Variants in ABRA observed in about 807,000 individuals in gnomAD.
ABRA encodes the protein actin-binding Rho-activating protein.
Under a neutral mutation model 33.4 loss-of-function variants are expected in ABRA, and 25 were observed. The observed-to-expected ratio is 0.75, with a 90% confidence interval of 0.55 to 1.04. The LOEUF is 1.04. Ranked by LOEUF, ABRA falls within the 50% of genes least tolerant of loss-of-function variation. ABRA has a pLI of 0.00. For missense variants in ABRA, 501 were observed against 491.7 expected (o/e 1.02, Z -0.18); for synonymous variants, 193 against 176.8 (o/e 1.09, Z -0.73).
intron 1 of ABRA, among the ~76,000 whole-genome samples, chr8:106,767,876 C>T (rs1384575981): frequency 6.6e-6 from 1 of 152,116 alleles, no homozygotes; most frequent in Non-Finnish European, 1.5e-5. Context: ...GGGTGGATCA[C>T]CTGAGGTCAG....
chr8:106,763,954 C>T (rs539361583), intron 1 of ABRA, among the ~76,000 whole-genome samples: 1 of 152,168 alleles, frequency 6.6e-6, no homozygotes, highest in South Asian at 2.1e-4. Context: ...TTTTAAGGTA[C>T]TTATTGGATA....
At position 106,769,636 on chromosome 8, in the gene ABRA, C is replaced by G. The variant is rs1471271962; in HGVS notation, c.555G>C (p.Arg185Ser). The G allele has an allele frequency of 6.2e-7, 1 of 1,614,214 alleles. No homozygotes were observed. The highest frequency in any genetic ancestry group is 1.6e-4 in the Middle Eastern group (1 of 6,062). Residue 185 changes from arginine (R) to serine (S), a missense_variant, in exon 1 of 2, where the codon AGG becomes AGC. Physicochemically the swap from Arg to Ser is moderately radical, Grantham distance 110. Coordinates refer to ENST00000311955, the MANE Select transcript of ABRA (RefSeq NM_139166.5). ...TGTCCTCTGTGTCTACGCTGTCACT[C>G]CTCCATGTGGGCTCCTCCTGCTCCA... is the stretch of plus-strand genomic sequence containing the variant. ...RVMEQEEPTW[R>S]SDSVDTEDSG...
rs748977290 is a variant in ABRA at position 106,761,505 on chromosome 8, T to A, written c.678A>T (p.Arg226Ser). The A allele has an allele frequency of 1.2e-6, 2 of 1,612,992 alleles. No individual in the cohort carries two copies. The highest frequency in any genetic ancestry group is 3.3e-5 in the Admixed American group (2 of 59,950). The change falls in exon 2 of 2, where the codon AGA becomes AGT. Residue 226 changes from arginine (R) to serine (S), a missense_variant. Transcript: ENST00000311955. ...IKRPLPSQVN[R>S]FTEKLNCKAQ... ...CTTTGCAGTTGAGTTTCTCTGTAAA[T>A]CTGTTTACCCTAAAGTAGAGAGAGG... is the stretch of plus-strand genomic sequence containing the variant.
chr8:106,761,132 G>A lies in ABRA; in HGVS notation c.1051C>T (p.Leu351Phe). Residue 351 changes from leucine (L) to phenylalanine (F), a missense_variant, in exon 2 of 2, where the codon CTC becomes TTC. Leu to Phe is a conservative substitution (Grantham distance 22, BLOSUM62 0). Coordinates refer to ENST00000311955, the MANE Select transcript of ABRA (RefSeq NM_139166.5). Reference sequence around the variant, plus strand: ...AGTCCATGTTTCCTGGCACGCATGAGAATGCCCACTACTTTATCTGAAATA... The same window carrying A: ...AGTCCATGTTTCCTGGCACGCATGAAAATGCCCACTACTTTATCTGAAATA... ...VRISDKVVGI[L>F]MRARKHGLVD... The A allele has an allele frequency of 6.2e-7, 1 of 1,614,196 alleles. No homozygotes were observed. Among genetic ancestry groups the A allele is most frequent in the Non-Finnish European group, 8.5e-7 (1 of 1,180,028 alleles).
chr8:106,763,501 C>A (rs1374561673), intron 1 of ABRA, among the ~76,000 whole-genome samples: 1 of 152,188 alleles, frequency 6.6e-6, no homozygotes, highest in African/African-American at 2.4e-5. Context: ...TAATGGATTT[C>A]CCTCAGCCCT....
At position 106,761,218 on chromosome 8, in the gene ABRA, C is replaced by A. The variant is rs759366681; in HGVS notation, c.965G>T (p.Arg322Leu). Reference sequence around the variant, plus strand: ...CTGGATCTTGCCATCTCGTCTGTGGCGAGCCATTGTGCAGATAATGAAGCA... The same window carrying A: ...CTGGATCTTGCCATCTCGTCTGTGGAGAGCCATTGTGCAGATAATGAAGCA... Reference protein sequence around the residue: ...DMCFIICTMARHRRDGKIQVT... With the variant: ...DMCFIICTMALHRRDGKIQVT... The change falls in exon 2 of 2, where the codon CGC becomes CTC. Residue 322 changes from arginine (R) to leucine (L), a missense_variant. Physicochemically the swap from Arg to Leu is moderately radical, Grantham distance 102. Coordinates refer to ENST00000311955, the MANE Select transcript of ABRA (RefSeq NM_139166.5). 2.5e-6 allele frequency: 4 copies of A among 1,614,196 alleles called. No homozygotes were observed. The Admixed American group carries it at 5.0e-5, about 20-fold the overall frequency.
In ABRA at chr8:106,769,604, T is replaced by C. The variant is rs1002738990; in HGVS notation, c.587A>G (p.Tyr196Cys). 5.0e-6 allele frequency: 8 copies of C among 1,614,044 alleles called. No homozygotes were observed. The highest frequency in any genetic ancestry group is 4.0e-5 in the African/African-American group (3 of 74,930). Residue 196 changes from tyrosine (Y) to cysteine (C), a missense_variant, in exon 1 of 2, where the codon TAT becomes TGT. Physicochemically the swap from Tyr to Cys is radical, Grantham distance 194 (BLOSUM62 -2). Transcript: ENST00000311955. ...GGGCCTCTCCTCAGCCTCTCCTCCA[T>C]AGCCGCTGTCCTCTGTGTCTACGCT... ...SDSVDTEDSG[Y>C]GGEAEERPEQ...
chr8:106,762,743 C>G (rs916002738), intron 1 of ABRA, among the ~76,000 whole-genome samples: 3 of 152,096 alleles, frequency 2.0e-5, no homozygotes, highest in African/African-American at 4.8e-5. Context: ...TTGATAGGTG[C>G]AGCAAGCCAC....
Position 106,760,748 on chromosome 8 carries a change from A to G in ABRA, c.*289T>C. 1 of 341,688 alleles carries G rather than the reference A, an allele frequency of 2.9e-6. No individual in the cohort carries two copies. The highest frequency in any genetic ancestry group is 5.4e-6 in the Non-Finnish European group (1 of 186,510). The allele number at this position is 341,688 out of a possible 1,614,324, so 21.2% of individuals were successfully genotyped here. A position where few individuals can be genotyped will look rare whatever the true frequency, so the allele number is the denominator to read the frequency against. Reference sequence around the variant, plus strand: ...GAGTTAAAAGACCAGCTTTGGTGACATAAAGAGAATCTGTCTCAAAACAAA... The same window carrying G: ...GAGTTAAAAGACCAGCTTTGGTGACGTAAAGAGAATCTGTCTCAAAACAAA... On this transcript the variant is annotated 3_prime_UTR_variant, in exon 2 of 2. Coordinates refer to ENST00000311955, the MANE Select transcript of ABRA (RefSeq NM_139166.5).
Position 106,761,165 on chromosome 8 carries a change from A to G in ABRA, c.1018T>C (p.Tyr340His), listed in dbSNP as rs777732345. The G allele has an allele frequency of 3.1e-6, 5 of 1,614,230 alleles. No homozygotes were observed. The South Asian group carries it at 5.5e-5, about 18-fold the overall frequency. Residue 340 changes from tyrosine to histidine, a missense_variant, in exon 2 of 2, where the codon TAC (tyrosine) becomes CAC (histidine). Physicochemically the swap from Tyr to His is moderately conservative, Grantham distance 83. Coordinates refer to ENST00000311955, the MANE Select transcript of ABRA (RefSeq NM_139166.5). The part of the protein sequence containing the change: ...QVTFGDLFDR[Y>H]VRISDKVVGI... ...ACTACTTTATCTGAAATACGAACGT[A>G]TCTGTCAAAGAGATCTCCAAAAGTA...
At chr8:106,762,101 G>A (rs942946863) in intron 1 of ABRA, among the ~76,000 whole-genome samples, 1 of 152,162 alleles carries the variant, frequency 6.6e-6, no homozygotes, top group Non-Finnish European at 1.5e-5. Context: ...TGAACACTAT[G>A]TACTGGCATT....
rs543000559 is a variant in ABRA, at chr8:106,766,659, CA to C, written c.668+2863del. Among the ~76,000 whole-genome samples the C allele has an allele frequency of 2.6e-5, 4 of 151,938 alleles. No individual in the cohort carries two copies. The East Asian group carries it at 7.7e-4, about 29-fold the overall frequency. On this transcript the variant is annotated intron_variant, in intron 1 of 1. Coordinates refer to ENST00000311955, the MANE Select transcript of ABRA (RefSeq NM_139166.5). ...TACTCTAAGACAGAGGGAAAGGAAC[CA>C]AAAAAGGAAAGAAGAGATTTAACCA...
chr8:106,768,382 G>C (rs1275893216), intron 1 of ABRA, among the ~76,000 whole-genome samples: 1 of 152,198 alleles, frequency 6.6e-6, no homozygotes, highest in Non-Finnish European at 1.5e-5. Context: ...GTATGTGAGT[G>C]TATGTATGTG....
Position 106,760,779 on chromosome 8 carries a change from A to C in ABRA, c.*258T>G. On this transcript the variant is annotated 3_prime_UTR_variant, in exon 2 of 2. Coordinates refer to ENST00000311955, the MANE Select transcript of ABRA (RefSeq NM_139166.5). ...AGAATCTGTCTCAAAACAAAAACAA[A>C]AACACCCTGTGGAATTTCAACTATT... 2.3e-6 allele frequency: 1 copy of C among 428,124 alleles called. No homozygotes were observed. Among genetic ancestry groups the C allele is most frequent in the Non-Finnish European group, 4.1e-6 (1 of 241,302 alleles). 26.5% of individuals were successfully genotyped at this position (428,124 alleles called of 1,614,324 possible).
chr8:106,767,314 G>T (rs1836237340), intron 1 of ABRA, among the ~76,000 whole-genome samples: 1 of 152,132 alleles, frequency 6.6e-6, no homozygotes, highest in Non-Finnish European at 1.5e-5. Flanking sequence ...GAAAGATCTT[G>T]TCATTGTGCC....
chr8:106,766,737 G>C (rs564195194), intron 1 of ABRA, among the ~76,000 whole-genome samples: 1 of 152,268 alleles, frequency 6.6e-6, no homozygotes, highest in Non-Finnish European at 1.5e-5. Context: ...TTGAAGGGCT[G>C]GGATCACCAA....
chr8:106,769,875 T>C lies in ABRA; in HGVS notation c.316A>G (p.Lys106Glu). The C allele has an allele frequency of 6.2e-7, 1 of 1,614,058 alleles. No individual in the cohort carries two copies. Among genetic ancestry groups the C allele is most frequent in the Non-Finnish European group, 8.5e-7 (1 of 1,180,000 alleles). Residue 106 changes from lysine (K) to glutamate (E), a missense_variant, in exon 1 of 2, where the codon AAG (lysine) becomes GAG (glutamate). Transcript: ENST00000311955. ...ACCACCGTTTTGGACACCTCTTTCT[T>C]TTTGATGTGAGAAACCTCAGGGGCT... is the stretch of plus-strand genomic sequence containing the variant. The part of the protein sequence containing the change: ...EKAPEVSHIK[K>E]KEVSKTVVSK...
Position 106,761,058 on chromosome 8 carries a change from A to G in ABRA, c.1125T>C (p.Val375=). ...EMLWQGRDDH[V]VITLLK ...AGGTTCACTTGAGTAGCGTAATCAC[A>G]ACATGGTCATCTCGGCCTTGCCATA... Residue 375 remains valine (V), a synonymous_variant, in exon 2 of 2, where the codon GTT becomes GTC. Coordinates refer to ENST00000311955, the MANE Select transcript of ABRA (RefSeq NM_139166.5). The G allele has an allele frequency of 1.9e-6, 3 of 1,614,092 alleles. No homozygotes were observed. Among genetic ancestry groups the G allele is most frequent in the East Asian group, 2.2e-5 (1 of 44,880 alleles).
intron 1 of ABRA, among the ~76,000 whole-genome samples, chr8:106,764,766 G>A (rs1398325318): frequency 6.6e-6 from 1 of 152,018 alleles, no homozygotes; most frequent in Non-Finnish European, 1.5e-5. Context: ...CTAATTGGAG[G>A]GAAGAACACC....
Sources: gnomAD v4.1 joint callset for allele counts (sites outside exome capture counted in the v4.1 genomes callset) on GRCh38, gnomAD v4.1.1 for gene constraint, MANE v1.5 for transcripts, NCBI Gene and HGNC (gene_info 2026-07-23, HGNC 2026-07-21) for gene names.